Variants in MTMR10 observed in about 807,000 individuals in gnomAD.
MTMR10 encodes the protein myotubularin-related protein 10.
MTMR10 carries 56 observed loss-of-function variants against 88.1 expected under a neutral mutation model. The ratio of observed to expected loss-of-function variants is 0.64; its 90% CI spans 0.51 to 0.79. MTMR10 has a LOEUF of 0.79. Ranked by LOEUF, MTMR10 falls within the 30% of genes least tolerant of loss-of-function variation. MTMR10 has a pLI of 0.00. For synonymous variants in MTMR10, 380 were observed against 340.9 expected (o/e 1.11, Z -1.26); for missense variants, 883 against 924.7 (o/e 0.95, Z 0.58).
At chr15:30,922,375 T>C in the MTMR10 span, 2 of 1,580,948 alleles carry the variant, frequency 1.3e-6, no homozygotes, top group Non-Finnish European at 1.7e-6. Context: ...ACAAAACATA[T>C]CTGAAACACC....
the MTMR10 span, chr15:30,926,081 C>T: frequency 1.2e-6 from 1 of 805,334 alleles, no homozygotes; most frequent in South Asian, 1.7e-5. Context: ...GGATGTCTTC[C>T]TATTCTTCCC....
chr15:30,991,334 TG>T, intron 1 of MTMR10, 112 bp downstream of exon 1: 1 of 1,090,820 alleles, frequency 9.2e-7, no homozygotes, highest in Non-Finnish European at 1.2e-6. Context: ...CGCGCTGCTG[TG>T]GGCAGGGAGA....
downstream of MTMR10, among the ~76,000 whole-genome samples, chr15:30,937,865 G>T (rs2140973803): frequency 6.6e-6 from 1 of 152,052 alleles, no homozygotes; most frequent in Admixed American, 6.6e-5. Context: ...AACAAGTGAT[G>T]ATTCATCTTT....
chr15:30,920,045 T>C, the MTMR10 span, among the ~76,000 whole-genome samples: 1 of 152,236 alleles, frequency 6.6e-6, no homozygotes, highest in East Asian at 1.9e-4. Flanking sequence ...TTGCAGGCCA[T>C]ATGGTTTCTG....
intron 15 of MTMR10, chr15:30,942,299 G>A (rs973700135): frequency 5.6e-5 from 33 of 593,908 alleles, no homozygotes; most frequent in Non-Finnish European, 8.5e-5. Flanking sequence ...GAATGGGGGC[G>A]GGATGAGAGT....
intron 6 of MTMR10, 88 bp downstream of exon 6, chr15:30,967,832 G>C: frequency 9.6e-7 from 1 of 1,037,972 alleles, no homozygotes; most frequent in Non-Finnish European, 1.4e-6. Context: ...AATCATTAAA[G>C]CTCATGTACT....
At chr15:30,937,662 G>C (rs1280333418), downstream of MTMR10, among the ~76,000 whole-genome samples, 1 of 151,560 alleles carries the variant, frequency 6.6e-6, no homozygotes, top group Non-Finnish European at 1.5e-5. Flanking sequence ...ATGTTGGTTG[G>C]CCAGGTTGGT....
chr15:30,933,547 G>A, the MTMR10 span, among the ~76,000 whole-genome samples: 1 of 152,148 alleles, frequency 6.6e-6, no homozygotes, highest in Non-Finnish European at 1.5e-5. Flanking sequence ...CCAGAATATG[G>A]TATTCCCTGG....
the MTMR10 span, chr15:30,929,242 A>G: frequency 8.7e-6 from 14 of 1,613,484 alleles, no homozygotes; most frequent in East Asian, 2.9e-4. Flanking sequence ...CTTCTTCACA[A>G]GCAGACGCCC....
At chr15:30,926,024 G>A in the MTMR10 span, 4 of 1,372,040 alleles carry the variant, frequency 2.9e-6, no homozygotes, top group Non-Finnish European at 3.1e-6. Flanking sequence ...GTGGGCTGCT[G>A]TCCTCTCTCT....
intron 2 of MTMR10, among the ~76,000 whole-genome samples, chr15:30,988,372 T>G (rs1398214460): frequency 1.3e-5 from 2 of 152,230 alleles, no homozygotes; most frequent in Admixed American, 6.5e-5. Flanking sequence ...AGAGCCGTCA[T>G]GTATGCATGT....
At chr15:30,925,175 G>A in the MTMR10 span, 9 of 1,614,032 alleles carry the variant, frequency 5.6e-6, no homozygotes, top group South Asian at 8.8e-5. Context: ...AGTCAGAACG[G>A]GACACCGCCT....
chr15:30,932,221 CAAAA>C, the MTMR10 span, among the ~76,000 whole-genome samples: 2 of 49,508 alleles, frequency 4.0e-5, no homozygotes, highest in African/African-American at 1.3e-4. Flanking sequence ...GACTCCATCT[CAAAA>C]AAAAAAAAAA....
Position 30,967,995 on chromosome 15 carries a change from C to T in MTMR10, c.490G>A (p.Ala164Thr), listed in dbSNP as rs761592129. 9 of 1,567,626 alleles carry T rather than the reference C, an allele frequency of 5.7e-6. No individual in the cohort carries two copies. Reference sequence around the variant, plus strand: ...AGGTCTGTTGGCTGGGAATAATGAGCTATTGCAAGGCATACCTAGGAAAAA... The same window carrying T: ...AGGTCTGTTGGCTGGGAATAATGAGTTATTGCAAGGCATACCTAGGAAAAA... The part of the protein sequence containing the change: ...ESAKKVCLAI[A>T]HYSQPTDLQL... The change falls in exon 6 of 16, where the codon GCT becomes ACT. Residue 164 changes from alanine to threonine, a missense_variant. Physicochemically the swap from Ala to Thr is moderately conservative, Grantham distance 58. Around this residue, in one of 3 missense-constraint regions of MTMR10, gnomAD observed 414 missense variants for 423.2 expected, o/e 0.98. Coordinates refer to ENST00000435680, the MANE Select transcript of MTMR10 (RefSeq NM_017762.3).
chr15:30,936,985 T>C, downstream of MTMR10: 1 of 715,904 alleles, frequency 1.4e-6, no homozygotes, highest in Non-Finnish European at 2.3e-6. Flanking sequence ...ATCCGTATAT[T>C]TGTGTTACAC....
chr15:30,952,073 C>A, intron 11 of MTMR10, 35 bp from the exon 12 acceptor site: 1 of 1,525,196 alleles, frequency 6.6e-7, no homozygotes, highest in South Asian at 1.1e-5. Context: ...TGTTAAAAAT[C>A]AAATTTCCAC....
chr15:30,943,504 C>T, intron 14 of MTMR10: 1 of 985,410 alleles, frequency 1.0e-6, no homozygotes, highest in Non-Finnish European at 1.2e-6. Flanking sequence ...AAATCACTGC[C>T]ACCAATTTTA....
At chr15:30,952,606 T>C (rs1005930195) in intron 11 of MTMR10, among the ~76,000 whole-genome samples, 2 of 152,096 alleles carry the variant, frequency 1.3e-5, no homozygotes, top group African/African-American at 4.8e-5. Context: ...CCTCAAGTGA[T>C]CCTCCTGCCT....
chr15:30,971,726 T>C (rs1038373478), intron 5 of MTMR10, among the ~76,000 whole-genome samples: 3 of 152,178 alleles, frequency 2.0e-5, no homozygotes, highest in Admixed American at 1.3e-4. Context: ...TTTATTATTT[T>C]GCCCTTCAGT....
Sources: gnomAD v4.1 joint callset for allele counts (sites outside exome capture counted in the v4.1 genomes callset) on GRCh38, gnomAD v4.1.1 for gene constraint, gnomAD v4.1.1 regional missense constraint, MANE v1.5 for transcripts, NCBI Gene and HGNC (gene_info 2026-07-23, HGNC 2026-07-21) for gene names.